CLCN5: variants seen among roughly 807,000 people sequenced by gnomAD.
CLCN5 encodes the protein Cl-/H+ antiporter 5.
In CLCN5, 17 loss-of-function variants were observed where a neutral mutation model predicts 54.0. That is an observed-to-expected ratio of 0.31 (90% CI 0.22 to 0.47). CLCN5 has a LOEUF of 0.47. Ranked by LOEUF, CLCN5 falls within the 20% of genes least tolerant of loss-of-function variation. CLCN5 has a pLI of 1.00. For missense variants in CLCN5, 448 were observed against 646.7 expected, an observed-to-expected ratio of 0.69 and a Z score of 3.33; for synonymous variants, 222 against 233.0, an observed-to-expected ratio of 0.95 and a Z score of 0.43.
intron 3 of CLCN5, among the ~76,000 whole-genome samples, chrX:49,982,426 A>C (rs1358361077): frequency 9.0e-6 from 1 of 111,562 alleles, no homozygotes; most frequent in Non-Finnish European, 1.9e-5. Flanking sequence ...ATCTGGTTTT[A>C]AAATTAGGAA....
At chrX:49,940,186 C>G (rs1014405788) in intron 3 of CLCN5, among the ~76,000 whole-genome samples, 2 of 111,680 alleles carry the variant, frequency 1.8e-5, no homozygotes, top group African/African-American at 3.3e-5. Context: ...TTTCCTGGGC[C>G]CCTGTTTATT....
intron 7 of CLCN5, among the ~76,000 whole-genome samples, chrX:50,078,065 G>A (rs1036163792): frequency 9.3e-6 from 1 of 107,719 alleles, no homozygotes; most frequent in Non-Finnish European, 1.9e-5. Context: ...AGGACTGAGT[G>A]AGGTGTGCCT....
intron 3 of CLCN5, among the ~76,000 whole-genome samples, chrX:50,012,650 A>G (rs893380823): frequency 3.6e-5 from 4 of 111,574 alleles, no homozygotes; most frequent in African/African-American, 1.3e-4. Context: ...TCACCCCTCT[A>G]TGTCCCATTA....
At chrX:50,080,274 T>A (rs1933635634) in intron 7 of CLCN5, among the ~76,000 whole-genome samples, 1 of 111,178 alleles carries the variant, frequency 9.0e-6, no homozygotes, top group Non-Finnish European at 1.9e-5. Flanking sequence ...ATCATATATA[T>A]TTGACTACAA....
At chrX:49,972,458 G>A (rs1053902462) in intron 3 of CLCN5, among the ~76,000 whole-genome samples, 1 of 111,559 alleles carries the variant, frequency 9.0e-6, no homozygotes, top group Non-Finnish European at 1.9e-5. Context: ...AGACATGTGC[G>A]ATAAAAAGTT....
At chrX:50,066,472 A>G (rs781972663) in intron 4 of CLCN5, among the ~76,000 whole-genome samples, 4 of 111,930 alleles carry the variant, frequency 3.6e-5, no homozygotes, top group Admixed American at 1.9e-4. Context: ...AAGTAATACT[A>G]TTTCAAAGCT....
intron 3 of CLCN5, among the ~76,000 whole-genome samples, chrX:50,008,807 T>C (rs1930339319): frequency 8.9e-6 from 1 of 112,148 alleles, no homozygotes; most frequent in Admixed American, 9.4e-5. Flanking sequence ...TGATCTCACA[T>C]GGAACTCTGC....
chrX:49,935,430 G>T (rs1925896070), intron 3 of CLCN5, among the ~76,000 whole-genome samples: 1 of 112,148 alleles, frequency 8.9e-6, no homozygotes, highest in Non-Finnish European at 1.9e-5. Context: ...CACTGTGTTG[G>T]GTGGATGCTG....
In CLCN5 at chrX:50,092,573, G is replaced by A. The variant is rs781921174; in HGVS notation, c.*354G>A. ...ATGCAAGAGAAATTCCAACCGTCCT[G>A]ACCTATAACCTGTAGGAAACCGACG... is the stretch of plus-strand genomic sequence containing the variant. On this transcript the variant is annotated 3_prime_UTR_variant, in exon 15 of 15. Coordinates refer to ENST00000376091, the MANE Select transcript of CLCN5 (RefSeq NM_001127898.4). The A allele has an allele frequency of 1.5e-5, 3 of 200,667 alleles. No individual in the cohort carries two copies. The East Asian group carries it at 3.6e-4, about 24-fold the overall frequency. 16.5% of individuals were successfully genotyped at this position (200,667 alleles called of 1,213,427 possible).
intron 3 of CLCN5, among the ~76,000 whole-genome samples, chrX:50,029,596 A>G (rs1557185529): frequency 9.0e-6 from 1 of 111,582 alleles, no homozygotes; most frequent in Admixed American, 9.5e-5. Flanking sequence ...CACTTCTCAA[A>G]AGAAGACATT....
At chrX:50,003,432 A>ACC (rs1359797745) in intron 3 of CLCN5, 2 of 363,771 alleles carry the variant, frequency 5.5e-6, no homozygotes, top group Non-Finnish European at 1.1e-5. Flanking sequence ...GCCCACTTGC[A>ACC]CCCCCCAGGC....
At chrX:50,066,202 C>CAA (rs781827477) in intron 4 of CLCN5, among the ~76,000 whole-genome samples, 34 of 65,306 alleles carry the variant, frequency 5.2e-4, no homozygotes, top group African/African-American at 2.3e-3. Context: ...AATTCCAGAG[C>CAA]AAAAAAAAAA....
chrX:49,925,357 A>G (rs1557167876), intron 3 of CLCN5, 43 bp downstream of exon 3: 1 of 1,168,097 alleles, frequency 8.6e-7, no homozygotes, highest in Non-Finnish European at 1.2e-6. Flanking sequence ...TTTTCCTCCT[A>G]CTCTATTCTC....
intron 3 of CLCN5, among the ~76,000 whole-genome samples, chrX:50,035,254 C>G (rs1388574221): frequency 9.0e-6 from 1 of 111,556 alleles, no homozygotes; most frequent in African/African-American, 3.3e-5. Context: ...ATCATAAATT[C>G]CTTGAGAGTA....
chrX:49,952,179 A>C (rs781933843), intron 3 of CLCN5, among the ~76,000 whole-genome samples: 3 of 111,504 alleles, frequency 2.7e-5, no homozygotes, highest in Non-Finnish European at 5.7e-5. Context: ...GAATAAAGAA[A>C]GGGGCAGAAA....
At chrX:50,066,048 A>G (rs1303604155) in intron 4 of CLCN5, among the ~76,000 whole-genome samples, 2 of 103,651 alleles carry the variant, frequency 1.9e-5, no homozygotes, top group Non-Finnish European at 3.9e-5. Context: ...GCATTGGGAG[A>G]TATACCTAAT....
At chrX:49,935,594 G>T (rs1441412197) in intron 3 of CLCN5, among the ~76,000 whole-genome samples, 3 of 111,699 alleles carry the variant, frequency 2.7e-5, no homozygotes, top group African/African-American at 9.8e-5. Flanking sequence ...GAATAGTAGA[G>T]ACTGAATTTA....
intron 3 of CLCN5, among the ~76,000 whole-genome samples, chrX:49,991,432 G>A (rs1929257099): frequency 8.9e-6 from 1 of 111,793 alleles, no homozygotes; most frequent in African/African-American, 3.3e-5. Flanking sequence ...CGAGTTCTGT[G>A]CAGATTTTGT....
intron 3 of CLCN5, among the ~76,000 whole-genome samples, chrX:49,958,000 A>G (rs1400403403): frequency 9.1e-6 from 1 of 110,447 alleles, no homozygotes; most frequent in Admixed American, 9.6e-5. Context: ...AGAGAAAGAA[A>G]TGAGAGAGGC....
Sources: allele counts gnomAD v4.1 joint callset (sites outside exome capture counted in the v4.1 genomes callset), GRCh38; gene constraint gnomAD v4.1.1; transcripts MANE v1.5; gene names NCBI Gene and HGNC (gene_info 2026-07-23, HGNC 2026-07-21).